Variants in FAT3 observed in about 807,000 individuals in gnomAD.
FAT3 encodes the protein protocadherin Fat 3.
A neutral mutation model predicts 310.2 loss-of-function variants in FAT3; 95 were observed. That is an observed-to-expected ratio of 0.31 (90% CI 0.26 to 0.36). The LOEUF (loss-of-function observed/expected upper bound fraction) is 0.36. Among genes scored for constraint, FAT3 ranks in the 10% least tolerant of loss-of-function variants. The pLI is 1.00. For missense variants in FAT3, 5,408 were observed against 5,715.6 expected, an observed-to-expected ratio of 0.95 and a Z score of 1.74; for synonymous variants, 2,314 against 2,192.9, an observed-to-expected ratio of 1.06 and a Z score of -1.54.
At chr11:92,540,823 G>A (rs923838953) in intron 3 of FAT3, among the ~76,000 whole-genome samples, 2 of 151,932 alleles carry the variant, frequency 1.3e-5, no homozygotes, top group Admixed American at 6.6e-5. Flanking sequence ...TATAATTACA[G>A]AACTATGTTT....
chr11:92,374,024 A>AGAGAGG (rs1237274793), intron 2 of FAT3, among the ~76,000 whole-genome samples: 5 of 121,568 alleles, frequency 4.1e-5, no homozygotes. Context: ...TCTCAGACAG[A>AGAGAGG]GAGAGGGAGA....
intron 1 of FAT3, among the ~76,000 whole-genome samples, chr11:92,259,802 A>G (rs1865467265): frequency 6.6e-6 from 1 of 152,160 alleles, no homozygotes; most frequent in Non-Finnish European, 1.5e-5. Flanking sequence ...AACTTTCCCC[A>G]GTGCTGGAGG....
At chr11:92,305,018 A>G (rs929286265) in intron 1 of FAT3, among the ~76,000 whole-genome samples, 3 of 152,168 alleles carry the variant, frequency 2.0e-5, no homozygotes, top group African/African-American at 7.2e-5. Context: ...ATTTGTAACA[A>G]AAGTCACCCA....
chr11:92,296,145 T>C (rs2134410770), intron 1 of FAT3, among the ~76,000 whole-genome samples: 1 of 152,242 alleles, frequency 6.6e-6, no homozygotes, highest in African/African-American at 2.4e-5. Flanking sequence ...CCACAGTCTT[T>C]ATGCTTCCCC....
At chr11:92,635,933 A>G (rs2060242281) in intron 3 of FAT3, among the ~76,000 whole-genome samples, 1 of 152,040 alleles carries the variant, frequency 6.6e-6, no homozygotes, top group Non-Finnish European at 1.5e-5. Context: ...CAGTTCCTAC[A>G]AGGTCTTCTT....
intron 2 of FAT3, among the ~76,000 whole-genome samples, chr11:92,439,660 G>A (rs1303120148): frequency 6.6e-6 from 1 of 152,114 alleles, no homozygotes; most frequent in Non-Finnish European, 1.5e-5. Context: ...TTACACCTGT[G>A]ATCTCAGCTC....
At chr11:92,764,424 C>T (rs547071903) in intron 5 of FAT3, among the ~76,000 whole-genome samples, 1 of 152,292 alleles carries the variant, frequency 6.6e-6, no homozygotes, top group South Asian at 2.1e-4. Context: ...CACAACCACA[C>T]ACATACACAT....
At chr11:92,279,615 C>T (rs1053308092) in intron 1 of FAT3, among the ~76,000 whole-genome samples, 1 of 152,140 alleles carries the variant, frequency 6.6e-6, no homozygotes, top group Non-Finnish European at 1.5e-5. Flanking sequence ...TTGTTGCATG[C>T]ATACAATGTG....
chr11:92,499,447 G>A (rs1258120177), intron 2 of FAT3, among the ~76,000 whole-genome samples: 1 of 152,042 alleles, frequency 6.6e-6, no homozygotes, highest in African/African-American at 2.4e-5. Flanking sequence ...ATAGTACCCA[G>A]TAGAGTATGC....
In FAT3 at chr11:92,834,891, T is replaced by C; in HGVS notation, c.9893T>C (p.Val3298Ala). ...PKTGGISVSE[V>A]LDYELCKRFY... ...AAAGGGGGTATTTCTGTCTCTGAAG[T>C]CCTGGACTATGAATTATGCAAAAGG... The change falls in exon 15 of 28, where the codon GTC (valine) becomes GCC (alanine). Residue 3298 changes from valine (V) to alanine (A), a missense_variant. Val to Ala is a moderately conservative substitution (Grantham distance 64). Transcript: ENST00000525166. The C allele has an allele frequency of 6.2e-7, 1 of 1,611,378 alleles. No individual in the cohort carries two copies. Among genetic ancestry groups the C allele is most frequent in the Non-Finnish European group, 8.5e-7 (1 of 1,178,736 alleles).
intron 7 of FAT3, 76 bp from the exon 8 acceptor site, chr11:92,789,867 A>G: frequency 1.3e-6 from 2 of 1,501,676 alleles, no homozygotes; most frequent in Non-Finnish European, 1.8e-6. Flanking sequence ...GCGGGGAGAA[A>G]AAGAGGGAGG....
chr11:92,744,599 A>T lies in FAT3; in HGVS notation c.3670-17257A>T, dbSNP rs76271242. On this transcript the variant is annotated intron_variant, in intron 4 of 27. Transcript: ENST00000525166. ...TGAGAAGTACTTTTCTATTCTAAGAAAATCTTCTGCACAACCGTGATGATG... is the reference window on the plus strand; with the variant it reads ...TGAGAAGTACTTTTCTATTCTAAGATAATCTTCTGCACAACCGTGATGATG... Among the ~76,000 whole-genome samples, 690 of 152,310 alleles carry T rather than the reference A, an allele frequency of 4.5e-3. 29 individuals are homozygous for T. The East Asian group carries it at 0.094, about 21-fold the overall frequency.
At chr11:92,255,398 C>T (rs1458415583) in intron 1 of FAT3, among the ~76,000 whole-genome samples, 1 of 149,552 alleles carries the variant, frequency 6.7e-6, no homozygotes, top group Non-Finnish European at 1.5e-5. Context: ...TGGGCAGATA[C>T]AACATTTGTC....
At chr11:92,781,082 T>TA (rs1479683658) in intron 7 of FAT3, among the ~76,000 whole-genome samples, 1 of 146,368 alleles carries the variant, frequency 6.8e-6, no homozygotes, top group Non-Finnish European at 1.5e-5. Flanking sequence ...ATTCTTTTTT[T>TA]TTTTTTTTTT....
intron 1 of FAT3, among the ~76,000 whole-genome samples, chr11:92,333,170 C>T (rs1289533787): frequency 6.6e-6 from 1 of 152,126 alleles, no homozygotes; most frequent in Admixed American, 6.5e-5. Context: ...TAAGTCCTAC[C>T]CAAATGACTG....
intron 3 of FAT3, among the ~76,000 whole-genome samples, chr11:92,606,095 T>C (rs536847408): frequency 3.7e-4 from 56 of 152,300 alleles, no homozygotes; most frequent in African/African-American, 1.3e-3. Flanking sequence ...AATTGGTGAG[T>C]GAGCCCTAGT....
At chr11:92,491,315 A>T (rs74528681) in intron 2 of FAT3, among the ~76,000 whole-genome samples, 28 of 152,100 alleles carry the variant, frequency 1.8e-4, no homozygotes, top group African/African-American at 6.0e-4. Flanking sequence ...TACTATGGGT[A>T]TCTAATGGAT....
At chr11:92,399,421 T>G (rs1286975017) in intron 2 of FAT3, among the ~76,000 whole-genome samples, 2 of 152,204 alleles carry the variant, frequency 1.3e-5, no homozygotes, top group African/African-American at 4.8e-5. Context: ...AAGATTCTTT[T>G]GTCCACATCT....
intron 1 of FAT3, among the ~76,000 whole-genome samples, chr11:92,295,043 C>G (rs1946813761): frequency 6.6e-6 from 1 of 152,068 alleles, no homozygotes; most frequent in Non-Finnish European, 1.5e-5. Context: ...AACCTGAAAT[C>G]TTAATTTGAC....
Sources: gnomAD v4.1 joint callset for allele counts (sites outside exome capture counted in the v4.1 genomes callset) on GRCh38, gnomAD v4.1.1 for gene constraint, MANE v1.5 for transcripts, NCBI Gene and HGNC (gene_info 2026-07-23, HGNC 2026-07-21) for gene names.